Variants in RBKS observed in about 807,000 individuals in gnomAD.
RBKS encodes ribokinase.
Under a neutral mutation model 33.9 loss-of-function variants are expected in RBKS, and 33 were observed. The observed-to-expected ratio is 0.97, with a 90% CI of 0.74 to 1.30. The LOEUF is 1.30. Among genes scored for constraint, RBKS ranks in the 50% most tolerant of loss-of-function variants. RBKS has a pLI of 0.00. For missense variants in RBKS, 361 were observed against 392.6 expected (o/e 0.92, Z 0.68); for synonymous variants, 125 against 143.0 (o/e 0.87, Z 0.90).
intron 7 of RBKS, chr2:27,809,618 C>T: frequency 5.1e-6 from 1 of 196,030 alleles, no homozygotes; most frequent in South Asian, 8.3e-5. Flanking sequence ...TTTTTGTGAC[C>T]CCACTATTCT....
intron 7 of RBKS, among the ~76,000 whole-genome samples, chr2:27,785,749 G>A (rs945102437): frequency 2.7e-5 from 4 of 148,094 alleles, no homozygotes; most frequent in Admixed American, 1.4e-4. Flanking sequence ...GTGACAGAGC[G>A]AGACTCCATC....
At chr2:27,829,789 T>A (rs1678385887) in intron 6 of RBKS, among the ~76,000 whole-genome samples, 1 of 152,216 alleles carries the variant, frequency 6.6e-6, no homozygotes, top group African/African-American at 2.4e-5. Context: ...GTCCAGTCAC[T>A]AAGTCAGTGG....
intron 6 of RBKS, among the ~76,000 whole-genome samples, chr2:27,829,739 A>G (rs1678384766): frequency 6.6e-6 from 1 of 152,174 alleles, no homozygotes; most frequent in Non-Finnish European, 1.5e-5. Context: ...TATATTGGCA[A>G]TAGGGAGTTC....
chr2:27,855,061 C>T (rs1229284003), intron 2 of RBKS, among the ~76,000 whole-genome samples: 1 of 151,328 alleles, frequency 6.6e-6, no homozygotes, highest in African/African-American at 2.4e-5. Flanking sequence ...CGCCCCCCCA[C>T]CACACAAAGT....
intron 1 of RBKS, among the ~76,000 whole-genome samples, chr2:27,866,528 C>T (rs927775856): frequency 1.8e-4 from 28 of 152,136 alleles, no homozygotes; most frequent in African/African-American, 6.8e-4. Flanking sequence ...TTCTTAGACT[C>T]CAGTGACATA....
intron 1 of RBKS, among the ~76,000 whole-genome samples, chr2:27,876,195 T>C (rs1284221899): frequency 6.6e-6 from 1 of 152,200 alleles, no homozygotes; most frequent in African/African-American, 2.4e-5. Context: ...CCCATGTTAA[T>C]AGCAGCATTG....
chr2:27,809,504 A>G (rs1286251015), intron 7 of RBKS, among the ~76,000 whole-genome samples: 1 of 152,238 alleles, frequency 6.6e-6, no homozygotes, highest in Admixed American at 6.5e-5. Context: ...AGAGCTTTGT[A>G]TATATATTGG....
In RBKS at chr2:27,842,966, T is replaced by C. The variant is rs1180216079; in HGVS notation, c.514+101A>G. On this transcript the variant is annotated intron_variant, in intron 5 of 7. Transcript: ENST00000302188. ...CTCACAGATGGAAGAAAGAATATTTTACGACAGAAAGAGTATTGCTTTGCT... is the reference window on the plus strand; with the variant it reads ...CTCACAGATGGAAGAAAGAATATTTCACGACAGAAAGAGTATTGCTTTGCT... 6.0e-6 allele frequency: 5 copies of C among 840,000 alleles called. No individual in the cohort carries two copies. In the East Asian group the frequency reaches 1.5e-4, roughly 25 times the overall value. 52.0% of individuals were successfully genotyped at this position (840,000 alleles called of 1,614,324 possible). A position where few individuals can be genotyped will look rare whatever the true frequency, so the allele number is the denominator to read the frequency against.
chr2:27,880,549 A>G (rs763667846), intron 1 of RBKS, among the ~76,000 whole-genome samples: 3 of 152,222 alleles, frequency 2.0e-5, no homozygotes, highest in Non-Finnish European at 4.4e-5. Context: ...CCTTAAGCTG[A>G]TAAACAACTT....
At chr2:27,800,487 G>A (rs1398233128) in intron 7 of RBKS, among the ~76,000 whole-genome samples, 1 of 152,096 alleles carries the variant, frequency 6.6e-6, no homozygotes, top group Non-Finnish European at 1.5e-5. Context: ...TGTGAAGACT[G>A]AATTAAGTAA....
intron 1 of RBKS, among the ~76,000 whole-genome samples, chr2:27,860,825 T>C (rs191440811): frequency 4.6e-5 from 7 of 152,360 alleles, no homozygotes; most frequent in African/African-American, 9.6e-5. Context: ...AACTGTAGAC[T>C]TTCCCTGCAT....
chr2:27,793,385 G>C (rs907553269), intron 7 of RBKS, among the ~76,000 whole-genome samples: 2 of 152,136 alleles, frequency 1.3e-5, no homozygotes, highest in Non-Finnish European at 1.5e-5. Flanking sequence ...CTGTACACTT[G>C]AGAAACCTGC....
At chr2:27,801,984 ATATATATATTTT>A (rs1677802134) in intron 7 of RBKS, among the ~76,000 whole-genome samples, 1 of 95,082 alleles carries the variant, frequency 1.1e-5, no homozygotes, top group African/African-American at 4.7e-5. Flanking sequence ...ATATATATAT[ATATATATATTTT>A]TTTTTTTTTT....
intron 4 of RBKS, among the ~76,000 whole-genome samples, chr2:27,844,421 C>G (rs1054531608): frequency 6.6e-6 from 1 of 152,070 alleles, no homozygotes; most frequent in African/African-American, 2.4e-5. Flanking sequence ...ATTTTGGGGT[C>G]TCACTCTGTT....
At chr2:27,784,193 C>T (rs1196256911) in intron 7 of RBKS, among the ~76,000 whole-genome samples, 4 of 151,156 alleles carry the variant, frequency 2.6e-5, no homozygotes, top group Non-Finnish European at 5.9e-5. Flanking sequence ...CCGTTTTAGC[C>T]GGGATGGTCT....
intron 7 of RBKS, among the ~76,000 whole-genome samples, chr2:27,801,104 G>A (rs1289894491): frequency 6.6e-6 from 1 of 152,232 alleles, no homozygotes; most frequent in Non-Finnish European, 1.5e-5. Context: ...TGGGCAGAGG[G>A]CTGCCACCCA....
chr2:27,792,866 T>TCATTTTGC (rs60273770), intron 7 of RBKS, among the ~76,000 whole-genome samples: 1,840 of 152,288 alleles, frequency 0.012, 43 homozygotes, highest in African/African-American at 0.042. Context: ...CCAGAGTACC[T>TCATTTTGC]CATTTTGCCA....
At chr2:27,872,056 G>A (rs1189730157) in intron 1 of RBKS, among the ~76,000 whole-genome samples, 2 of 152,200 alleles carry the variant, frequency 1.3e-5, no homozygotes, top group Admixed American at 6.5e-5. Flanking sequence ...GAGCTTAGGA[G>A]GTAATGTGAG....
At chr2:27,817,302 A>C (rs72853272) in intron 7 of RBKS, among the ~76,000 whole-genome samples, 1,721 of 152,378 alleles carry the variant, frequency 0.011, 33 homozygotes, top group African/African-American at 0.038. Flanking sequence ...TTTATAGTTT[A>C]GCAGTTTATA....
Sources: allele counts gnomAD v4.1 joint callset (sites outside exome capture counted in the v4.1 genomes callset), GRCh38; gene constraint gnomAD v4.1.1; transcripts MANE v1.5; gene names NCBI Gene and HGNC (gene_info 2026-07-23, HGNC 2026-07-21).